The following EPHA5 variants were observed in gnomAD, a reference collection of about 807,000 sequenced individuals.
The protein encoded by EPHA5 is ephrin type-A receptor 5.
Under a neutral mutation model 105.0 loss-of-function variants are expected in EPHA5, and 60 were observed. That is an observed-to-expected ratio of 0.57 (90% CI 0.46 to 0.71). EPHA5 has a LOEUF of 0.71. EPHA5 is among the 30% of genes least tolerant of loss of function. The pLI is 0.00. For missense variants in EPHA5, 1,218 were observed against 1,274.7 expected (o/e 0.96, Z 0.68); for synonymous variants, 513 against 449.1 (o/e 1.14, Z -1.80).
At chr4:65,613,732 G>A (rs139970697) in intron 2 of EPHA5, among the ~76,000 whole-genome samples, 7 of 152,080 alleles carry the variant, frequency 4.6e-5, no homozygotes, top group African/African-American at 1.7e-4. Context: ...TCAACCAAAA[G>A]CATACTTTTG....
At chr4:65,652,559 A>G (rs1748700038) in intron 1 of EPHA5, among the ~76,000 whole-genome samples, 1 of 152,148 alleles carries the variant, frequency 6.6e-6, no homozygotes, top group East Asian at 1.9e-4. Context: ...ATCCAAGTAT[A>G]TCTAACTCCA....
rs1721127946 is a variant in EPHA5, at chr4:65,335,923, G to T, written c.2789+9C>A. 1.3e-6 allele frequency: 2 copies of T among 1,599,188 alleles called. No homozygotes were observed. The highest frequency in any genetic ancestry group is 8.5e-7 in the Non-Finnish European group (1 of 1,172,250). The stretch of plus-strand genomic sequence containing the variant: ...CATTCTGGAAAATCACTCGGATCTG[G>T]CCTTGTACCTGCAGGATGCATTAAC... On this transcript the variant is annotated intron_variant, in intron 15 of 16. Coordinates refer to ENST00000613740, the MANE Select transcript of EPHA5 (RefSeq NM_001281766.3).
chr4:65,471,366 A>C (rs1471892591), intron 5 of EPHA5, among the ~76,000 whole-genome samples: 1 of 152,216 alleles, frequency 6.6e-6, no homozygotes, highest in Admixed American at 6.5e-5. Flanking sequence ...TCTAAAATGG[A>C]TGAAAACAAA....
chr4:65,602,876 A>T (rs1459287440), intron 2 of EPHA5, among the ~76,000 whole-genome samples: 1 of 152,190 alleles, frequency 6.6e-6, no homozygotes, highest in Non-Finnish European at 1.5e-5. Context: ...TTTAAAATTA[A>T]TAATAGATCT....
At chr4:65,376,559 A>G (rs149194935) in intron 8 of EPHA5, among the ~76,000 whole-genome samples, 73 of 152,160 alleles carry the variant, frequency 4.8e-4, no homozygotes, top group African/African-American at 1.3e-3. Flanking sequence ...TGCCACGTGT[A>G]TTCACAATGA....
At chr4:65,438,626 G>A (rs1725715627) in intron 5 of EPHA5, among the ~76,000 whole-genome samples, 1 of 151,826 alleles carries the variant, frequency 6.6e-6, no homozygotes, top group Non-Finnish European at 1.5e-5. Context: ...AGCTTAAAAT[G>A]GAAACTCTTC....
At chr4:65,468,549 A>AT (rs1728944284) in intron 5 of EPHA5, among the ~76,000 whole-genome samples, 1 of 101,538 alleles carries the variant, frequency 9.8e-6, no homozygotes, top group African/African-American at 4.0e-5. Flanking sequence ...ATATATATAT[A>AT]ATATATATAT....
intron 3 of EPHA5, among the ~76,000 whole-genome samples, chr4:65,578,416 C>A (rs761948193): frequency 1.3e-5 from 2 of 152,144 alleles, no homozygotes; most frequent in Non-Finnish European, 2.9e-5. Flanking sequence ...AGGACAGGCA[C>A]TCTCAGGGAG....
chr4:65,492,347 G>T (rs1233432979), intron 4 of EPHA5, among the ~76,000 whole-genome samples: 1 of 151,498 alleles, frequency 6.6e-6, no homozygotes, highest in Non-Finnish European at 1.5e-5. Context: ...AATTACAGGG[G>T]CCCACCACCA....
intron 2 of EPHA5, among the ~76,000 whole-genome samples, chr4:65,634,517 T>G (rs1372230956): frequency 6.6e-6 from 1 of 152,110 alleles, no homozygotes. Context: ...TATACTTCAG[T>G]GTATGCTTAA....
At chr4:65,478,930 T>C (rs1262498466) in intron 5 of EPHA5, among the ~76,000 whole-genome samples, 11 of 152,210 alleles carry the variant, frequency 7.2e-5, no homozygotes, top group African/African-American at 2.4e-4. Flanking sequence ...TCCTGCAAGC[T>C]TGAAGCAGTT....
chr4:65,499,803 G>A (rs911942296), intron 3 of EPHA5, among the ~76,000 whole-genome samples: 10 of 149,758 alleles, frequency 6.7e-5, no homozygotes, highest in African/African-American at 2.4e-4. Flanking sequence ...CAAAAGACAA[G>A]ACATGTAAAT....
chr4:65,642,507 C>T (rs1415734289), intron 2 of EPHA5, among the ~76,000 whole-genome samples: 3 of 151,732 alleles, frequency 2.0e-5, no homozygotes, highest in Non-Finnish European at 2.9e-5. Flanking sequence ...AATATTATGT[C>T]TTTAAGTACA....
At chr4:65,643,905 G>T (rs1747890466) in intron 1 of EPHA5, among the ~76,000 whole-genome samples, 1 of 151,950 alleles carries the variant, frequency 6.6e-6, no homozygotes, top group Non-Finnish European at 1.5e-5. Flanking sequence ...TCCCAAGATT[G>T]TAACATTTTT....
intron 3 of EPHA5, among the ~76,000 whole-genome samples, chr4:65,577,724 G>A (rs1321107206): frequency 2.0e-5 from 3 of 152,048 alleles, no homozygotes; most frequent in African/African-American, 4.8e-5. Flanking sequence ...ATGCAGAAAT[G>A]CCACTAATGA....
At chr4:65,498,171 C>T (rs1041503809) in intron 3 of EPHA5, among the ~76,000 whole-genome samples, 10 of 151,634 alleles carry the variant, frequency 6.6e-5, no homozygotes, top group East Asian at 1.9e-4. Context: ...GAACAAATAG[C>T]GAAATGGAAG....
At chr4:65,485,004 T>C (rs1262266658) in intron 5 of EPHA5, among the ~76,000 whole-genome samples, 1 of 151,828 alleles carries the variant, frequency 6.6e-6, no homozygotes, top group Non-Finnish European at 1.5e-5. Flanking sequence ...AAGATTATCA[T>C]GTGTAAATCA....
chr4:65,664,439 T>C (rs2149556752), intron 1 of EPHA5, among the ~76,000 whole-genome samples: 1 of 152,034 alleles, frequency 6.6e-6, no homozygotes, highest in Non-Finnish European at 1.5e-5. Context: ...TGAACCCATT[T>C]TAATCTGTGT....
chr4:65,336,504 T>C (rs1721199849), intron 14 of EPHA5, among the ~76,000 whole-genome samples: 1 of 152,076 alleles, frequency 6.6e-6, no homozygotes, highest in Non-Finnish European at 1.5e-5. Flanking sequence ...TTCTGAAAAG[T>C]TAATGTCTTT....
Sources: allele counts gnomAD v4.1 joint callset (sites outside exome capture counted in the v4.1 genomes callset), GRCh38; gene constraint gnomAD v4.1.1; transcripts MANE v1.5; gene names NCBI Gene and HGNC (gene_info 2026-07-23, HGNC 2026-07-21).